Variants in GRB10 observed in about 807,000 individuals in gnomAD.
GRB10 encodes growth factor receptor-bound protein 10.
GRB10 carries 20 observed loss-of-function variants against 80.9 expected under a neutral mutation model. The ratio of observed to expected loss-of-function variants is 0.25; its 90% confidence interval spans 0.17 to 0.36. The LOEUF is 0.36. Among genes scored for constraint, GRB10 ranks in the 10% least tolerant of loss-of-function variants. The pLI, the probability that GRB10 is intolerant of heterozygous loss-of-function variation, is 1.00. For missense variants in GRB10, 548 were observed against 747.7 expected (o/e 0.73, Z 3.12); for synonymous variants, 291 against 291.5 (o/e 1.00, Z 0.02).
At chr7:50,622,274 A>G (rs567933191) in intron 8 of GRB10, among the ~76,000 whole-genome samples, 1 of 152,268 alleles carries the variant, frequency 6.6e-6, no homozygotes, top group African/African-American at 2.4e-5. Context: ...GGAGAGAGGG[A>G]CATAAAACCA....
intron 3 of GRB10, among the ~76,000 whole-genome samples, chr7:50,750,692 T>C (rs777352098): frequency 1.3e-5 from 2 of 152,160 alleles, no homozygotes; most frequent in African/African-American, 2.4e-5. Flanking sequence ...CTGTTGTCAA[T>C]ACCAGAAGAG....
At chr7:50,761,280 T>G (rs548884120) in intron 2 of GRB10, among the ~76,000 whole-genome samples, 8 of 152,366 alleles carry the variant, frequency 5.3e-5, no homozygotes, top group Non-Finnish European at 1.2e-4. Flanking sequence ...AATAGAAAAC[T>G]TTTACAATAA....
chr7:50,764,617 C>T (rs762555293), intron 2 of GRB10, among the ~76,000 whole-genome samples: 2 of 152,152 alleles, frequency 1.3e-5, no homozygotes, highest in African/African-American at 2.4e-5. Flanking sequence ...GGCTCAGAAC[C>T]CAGCCTCCAC....
upstream of GRB10, among the ~76,000 whole-genome samples, chr7:50,783,061 G>A (rs1386573108): frequency 3.3e-5 from 5 of 152,300 alleles, no homozygotes; most frequent in Non-Finnish European, 7.3e-5. Flanking sequence ...GCAAGGACGC[G>A]CACACTGGCC....
At chr7:50,635,386 A>AG (rs2054773757) in intron 7 of GRB10, among the ~76,000 whole-genome samples, 2 of 152,146 alleles carry the variant, frequency 1.3e-5, no homozygotes, top group Non-Finnish European at 2.9e-5. Flanking sequence ...AGTGCTAAGA[A>AG]ATAAGTTTTA....
chr7:50,650,865 G>T (rs1248648958), intron 7 of GRB10, among the ~76,000 whole-genome samples: 1 of 124,776 alleles, frequency 8.0e-6, no homozygotes, highest in African/African-American at 2.9e-5. Flanking sequence ...AAAAATCAAG[G>T]GATAGAGAGA....
chr7:50,791,899 C>G (rs2078932710), intron 1 of GRB10, among the ~76,000 whole-genome samples: 1 of 152,208 alleles, frequency 6.6e-6, no homozygotes, highest in African/African-American at 2.4e-5. Context: ...AGACACTTCA[C>G]CGCTGTCACA....
At chr7:50,735,968 G>A (rs1281127033) in intron 3 of GRB10, among the ~76,000 whole-genome samples, 3 of 152,124 alleles carry the variant, frequency 2.0e-5, no homozygotes, top group African/African-American at 7.2e-5. Context: ...AGAACAACAC[G>A]GAGAACTCAC....
intron 4 of GRB10, among the ~76,000 whole-genome samples, chr7:50,704,682 T>C (rs1364991842): frequency 6.6e-6 from 1 of 152,208 alleles, no homozygotes; most frequent in African/African-American, 2.4e-5. Flanking sequence ...GTCACAAATA[T>C]CATAGTTGAC....
intron 4 of GRB10, chr7:50,705,373 T>G (rs1210322527): frequency 2.8e-5 from 21 of 762,984 alleles, no homozygotes; most frequent in Non-Finnish European, 3.2e-5. Context: ...GGGAGACATT[T>G]TCACCAGCTT....
intron 5 of GRB10, among the ~76,000 whole-genome samples, chr7:50,679,290 C>T (rs61125116): frequency 0.015 from 2,281 of 152,232 alleles, 60 homozygotes; most frequent in African/African-American, 0.052. Context: ...ACATTTGCAT[C>T]GGGCTTATAA....
At chr7:50,714,302 A>G (rs532027964) in intron 4 of GRB10, among the ~76,000 whole-genome samples, 1 of 152,324 alleles carries the variant, frequency 6.6e-6, no homozygotes, top group South Asian at 2.1e-4. Flanking sequence ...TGACAACACA[A>G]TCTTTAAAGT....
intron 11 of GRB10, among the ~76,000 whole-genome samples, chr7:50,615,214 G>C (rs570260405): frequency 6.6e-6 from 1 of 152,296 alleles, no homozygotes; most frequent in South Asian, 2.1e-4. Context: ...TAAGAGCACA[G>C]GGCCTGTCTG....
chr7:50,703,764 T>C (rs1363634848), intron 5 of GRB10, 57 bp downstream of exon 5: 10 of 1,184,140 alleles, frequency 8.4e-6, no homozygotes, highest in African/African-American at 1.5e-5. Flanking sequence ...ATATCAGATC[T>C]GGGCACTGCT....
In GRB10 at chr7:50,782,878, G is replaced by C. The variant is rs2078458928; in HGVS notation, c.-781C>G. The C allele has an allele frequency of 6.6e-6, 1 of 152,188 alleles. No homozygotes were observed. The highest frequency in any genetic ancestry group is 1.5e-5 in the Non-Finnish European group (1 of 68,046). 9.4% of individuals were successfully genotyped at this position (152,188 alleles called of 1,614,324 possible). A position where few individuals can be genotyped will look rare whatever the true frequency, so the allele number is the denominator to read the frequency against. On this transcript the variant is annotated 5_prime_UTR_variant, in exon 1 of 19. Transcript: ENST00000401949. This position sits in a 1 kb window ranked among gnomAD's most constrained non-coding sequence, Gnocchi z 6.6. ...GGACGACGGAGCAGCGCCCGGTCCT[G>C]GAGCACAACAGGAATCCCAGGACCA...
intron 7 of GRB10, among the ~76,000 whole-genome samples, chr7:50,657,457 C>A (rs906238643): frequency 6.6e-6 from 1 of 152,072 alleles, no homozygotes; most frequent in Non-Finnish European, 1.5e-5. Context: ...ACTGTGTGAG[C>A]GGAAACACTA....
At chr7:50,635,224 A>T (rs1360086477) in intron 7 of GRB10, among the ~76,000 whole-genome samples, 1 of 152,174 alleles carries the variant, frequency 6.6e-6, no homozygotes, top group East Asian at 1.9e-4. Context: ...TCAATACCAT[A>T]AGGAACTCTC....
chr7:50,626,791 A>G, intron 8 of GRB10, 31 bp downstream of exon 8: 1 of 1,613,616 alleles, frequency 6.2e-7, no homozygotes, highest in South Asian at 1.1e-5. Flanking sequence ...AAGCATCCCC[A>G]GGTGCCAATC....
At chr7:50,636,687 A>G (rs1315072082) in intron 7 of GRB10, among the ~76,000 whole-genome samples, 1 of 152,276 alleles carries the variant, frequency 6.6e-6, no homozygotes, top group South Asian at 2.1e-4. Context: ...ACACCCCTTC[A>G]TGAAAAAAAC....
Sources: gnomAD v4.1 joint callset for allele counts (sites outside exome capture counted in the v4.1 genomes callset) on GRCh38, gnomAD v4.1.1 for gene constraint, Gnocchi (gnomAD v3.1) non-coding constraint, MANE v1.5 for transcripts, NCBI Gene and HGNC (gene_info 2026-07-23, HGNC 2026-07-21) for gene names.